AGPS: variants seen among roughly 807,000 people sequenced by gnomAD.
AGPS encodes the protein alkylglycerone phosphate synthase.
Under a neutral mutation model 90.7 loss-of-function variants are expected in AGPS, and 26 were observed. That is an observed-to-expected ratio of 0.29 (90% CI 0.21 to 0.40). The LOEUF (loss-of-function observed/expected upper bound fraction) is 0.40. AGPS is among the 10% of genes least tolerant of loss of function. The pLI, the probability that AGPS is intolerant of heterozygous loss-of-function variation, is 1.00. For missense variants in AGPS, 540 were observed against 816.1 expected (o/e 0.66, Z 4.12); for synonymous variants, 294 against 285.3 (o/e 1.03, Z -0.31).
Position 177,499,599 on chromosome 2 carries a change from AAT to A in AGPS, c.1363-18_1363-17del. On this transcript the variant is annotated splice_polypyrimidine_tract_variant and intron_variant, in intron 13 of 19. Coordinates refer to ENST00000264167, the MANE Select transcript of AGPS (RefSeq NM_003659.4). ...AGGATAAGACTTATCTGTAATAATAAATTTTTTTTTTTTTGTAGTTTAAAGGA... is the reference window on the plus strand; with the variant it reads ...AGGATAAGACTTATCTGTAATAATAATTTTTTTTTTTTGTAGTTTAAAGGA... 6 of 1,397,806 alleles carry A rather than the reference AAT, an allele frequency of 4.3e-6. No individual in the cohort carries two copies. The highest frequency in any genetic ancestry group is 4.3e-5 in the African/African-American group (3 of 70,140). The allele number at this position is 1,397,806 out of a possible 1,614,324, so 86.6% of individuals were successfully genotyped here.
chr2:177,526,585 G>A (rs2079089750), intron 19 of AGPS, among the ~76,000 whole-genome samples: 1 of 152,098 alleles, frequency 6.6e-6, no homozygotes, highest in African/African-American at 2.4e-5. Flanking sequence ...TGGTCTACTA[G>A]GCAATATGGT....
In AGPS at chr2:177,521,325, A is replaced by G. The variant is rs1465942573; in HGVS notation, c.1754A>G (p.Tyr585Cys). Residue 585 changes from tyrosine (Y) to cysteine (C), a missense_variant, in exon 18 of 20, where the codon TAC becomes TGC. Coordinates refer to ENST00000264167, the MANE Select transcript of AGPS (RefSeq NM_003659.4). The part of the protein sequence containing the change: ...ACIYFYFAFN[Y>C]RGISDPLTVF... ...ATCTACTTCTATTTTGCCTTTAACT[A>G]CAGGGGAATTAGTGACCCACTGACC... The G allele has an allele frequency of 6.2e-7, 1 of 1,614,124 alleles. No homozygotes were observed. Among genetic ancestry groups the G allele is most frequent in the African/African-American group, 1.3e-5 (1 of 75,064 alleles).
chr2:177,456,602 G>T (rs577990682), intron 8 of AGPS, among the ~76,000 whole-genome samples: 208 of 152,138 alleles, frequency 1.4e-3, no homozygotes, highest in Admixed American at 2.6e-3. Flanking sequence ...GGAACATCTG[G>T]TTTTTTTGGT....
intron 10 of AGPS, among the ~76,000 whole-genome samples, chr2:177,475,416 C>T (rs193057719): frequency 7.9e-5 from 12 of 152,236 alleles, no homozygotes; most frequent in South Asian, 2.1e-4. Flanking sequence ...AAATTCACCT[C>T]AGAAAGAAAC....
At chr2:177,527,377 A>G (rs1169077516) in intron 19 of AGPS, among the ~76,000 whole-genome samples, 1 of 152,118 alleles carries the variant, frequency 6.6e-6, no homozygotes, top group Admixed American at 6.5e-5. Context: ...GCAGTGAGCC[A>G]TGATCACATC....
In AGPS at chr2:177,403,135, C is replaced by G. The variant is rs1685375529; in HGVS notation, c.260+10086C>G. Among the ~76,000 whole-genome samples the G allele has an allele frequency of 2.0e-5, 3 of 152,100 alleles. No individual in the cohort carries two copies. In the South Asian group the frequency reaches 6.2e-4, roughly 31 times the overall value. On this transcript the variant is annotated intron_variant, in intron 1 of 19. Transcript: ENST00000264167. Reference sequence around the variant, plus strand: ...CTTTGTGTCTTCCATATGCTAAGCACTGGGGAGGATTATTGACACATGGTT... The same window carrying G: ...CTTTGTGTCTTCCATATGCTAAGCAGTGGGGAGGATTATTGACACATGGTT...
At chr2:177,468,827 T>TA (rs1035341449) in intron 10 of AGPS, among the ~76,000 whole-genome samples, 2 of 152,072 alleles carry the variant, frequency 1.3e-5, no homozygotes, top group African/African-American at 4.8e-5. Context: ...TTTGACATTT[T>TA]GTATTATAGT....
intron 1 of AGPS, among the ~76,000 whole-genome samples, chr2:177,407,344 C>T (rs770284761): frequency 4.6e-5 from 7 of 152,022 alleles, no homozygotes; most frequent in Non-Finnish European, 8.8e-5. Context: ...AAGAAATACC[C>T]GAGACTGGAT....
At chr2:177,528,812 C>T (rs1416510806) in intron 19 of AGPS, among the ~76,000 whole-genome samples, 1 of 146,762 alleles carries the variant, frequency 6.8e-6, no homozygotes, top group Non-Finnish European at 1.5e-5. Context: ...AGCAGTTTTG[C>T]AAATTCTCAA....
At chr2:177,512,500 C>T (rs1574023557) in intron 16 of AGPS, among the ~76,000 whole-genome samples, 1 of 152,136 alleles carries the variant, frequency 6.6e-6, no homozygotes, top group Non-Finnish European at 1.5e-5. Flanking sequence ...TTCTTATTGA[C>T]AATATGGATA....
chr2:177,461,573 G>GA (rs1427756571), intron 8 of AGPS, among the ~76,000 whole-genome samples: 2 of 150,742 alleles, frequency 1.3e-5, no homozygotes, highest in African/African-American at 4.9e-5. Flanking sequence ...TCTCTTTGTA[G>GA]AAAAAAAAAG....
intron 9 of AGPS, among the ~76,000 whole-genome samples, chr2:177,462,803 A>G (rs1367982601): frequency 6.6e-6 from 1 of 152,238 alleles, no homozygotes; most frequent in Non-Finnish European, 1.5e-5. Context: ...CATAGGTTTT[A>G]TATAAATACT....
intron 7 of AGPS, among the ~76,000 whole-genome samples, chr2:177,445,017 A>G (rs1396675652): frequency 2.0e-5 from 3 of 152,130 alleles, no homozygotes; most frequent in South Asian, 2.1e-4. Flanking sequence ...TAAAGTAGGG[A>G]TGCCATCTGC....
At chr2:177,464,827 G>C (rs1687401181) in intron 9 of AGPS, among the ~76,000 whole-genome samples, 1 of 152,172 alleles carries the variant, frequency 6.6e-6, no homozygotes, top group Non-Finnish European at 1.5e-5. Flanking sequence ...GAAAAACATT[G>C]AACTCTGTAG....
At chr2:177,532,026 T>C (rs1465184257) in intron 19 of AGPS, among the ~76,000 whole-genome samples, 2 of 152,054 alleles carry the variant, frequency 1.3e-5, no homozygotes, top group Non-Finnish European at 1.5e-5. Context: ...ATAAAACCTT[T>C]AGAAAAATTT....
intron 1 of AGPS, among the ~76,000 whole-genome samples, chr2:177,398,336 C>A (rs765819568): frequency 1.4e-4 from 21 of 152,262 alleles, no homozygotes; most frequent in Non-Finnish European, 2.5e-4. Flanking sequence ...TTGACTAAGT[C>A]CTAATATGAC....
chr2:177,536,626 G>A (rs546632075), intron 19 of AGPS, among the ~76,000 whole-genome samples: 74 of 152,170 alleles, frequency 4.9e-4, no homozygotes, highest in African/African-American at 1.7e-3. Context: ...GAGATTGCAG[G>A]AATAGGGATT....
In AGPS at chr2:177,505,488, T is replaced by G; in HGVS notation, c.1476-18T>G. On this transcript the variant is annotated intron_variant, in intron 14 of 19. Coordinates refer to ENST00000264167, the MANE Select transcript of AGPS (RefSeq NM_003659.4). ...ATTAAGATAAAAAATTTATTAACAG[T>G]TTGTTCTTTAATTACAGTGGGTTGG... is the stretch of plus-strand genomic sequence containing the variant. The G allele has an allele frequency of 6.2e-7, 1 of 1,607,816 alleles. No homozygotes were observed. The highest frequency in any genetic ancestry group is 8.5e-7 in the Non-Finnish European group (1 of 1,174,946).
Position 177,490,050 on chromosome 2 carries a change from GT to G in AGPS, c.1234-3091del, listed in dbSNP as rs571149799. On this transcript the variant is annotated intron_variant, in intron 11 of 19. Coordinates refer to ENST00000264167, the MANE Select transcript of AGPS (RefSeq NM_003659.4). ...TGACTTTTGAAGGCAATCTTTTGTG[GT>G]TTTTTTAAACCTACCAAATTAGTTT... Among the ~76,000 whole-genome samples, 397 of 152,110 alleles carry G rather than the reference GT, an allele frequency of 2.6e-3. 2 individuals are homozygous for G. Among genetic ancestry groups the G allele is most frequent in the Middle Eastern group, 3.4e-3 (1 of 294 alleles).
Sources: allele counts gnomAD v4.1 joint callset (sites outside exome capture counted in the v4.1 genomes callset), GRCh38; gene constraint gnomAD v4.1.1; transcripts MANE v1.5; gene names NCBI Gene and HGNC (gene_info 2026-07-23, HGNC 2026-07-21).